The following TMEM87B variants were observed in gnomAD, a reference collection of about 807,000 sequenced individuals.
The protein encoded by TMEM87B is transmembrane protein 87B.
Under a neutral mutation model 80.3 loss-of-function variants are expected in TMEM87B, and 83 were observed. The observed-to-expected ratio is 1.03, with a 90% CI of 0.87 to 1.24. TMEM87B has a LOEUF of 1.24. TMEM87B is among the 50% of genes most tolerant of loss of function. TMEM87B has a pLI of 0.00. For synonymous variants in TMEM87B, 219 were observed against 230.5 expected, an observed-to-expected ratio of 0.95 and a Z score of 0.45; for missense variants, 625 against 674.4, an observed-to-expected ratio of 0.93 and a Z score of 0.81.
intron 2 of TMEM87B, among the ~76,000 whole-genome samples, chr2:112,061,668 A>G (rs186814337): frequency 6.6e-6 from 1 of 152,358 alleles, no homozygotes. Flanking sequence ...AAAAAAAAGT[A>G]ACGTCAGCCA....
chr2:112,104,385 T>C (rs115853487), intron 15 of TMEM87B, among the ~76,000 whole-genome samples: 5,895 of 152,136 alleles, frequency 0.039, 220 homozygotes, highest in Non-Finnish European at 0.056. Flanking sequence ...AATGATAACC[T>C]ATGTTGCAAA....
intron 3 of TMEM87B, 127 bp from the exon 4 acceptor site, chr2:112,066,809 C>T: frequency 1.2e-6 from 1 of 806,624 alleles, no homozygotes. Flanking sequence ...GTATTTTATT[C>T]TATTGCGTAT....
intron 15 of TMEM87B, among the ~76,000 whole-genome samples, chr2:112,101,774 A>G (rs1679638375): frequency 6.6e-6 from 1 of 152,200 alleles, no homozygotes; most frequent in Non-Finnish European, 1.5e-5. Context: ...GTAGTACAGT[A>G]AGACAAACTT....
chr2:112,059,380 T>G (rs1317449788), intron 1 of TMEM87B, among the ~76,000 whole-genome samples: 1 of 151,380 alleles, frequency 6.6e-6, no homozygotes, highest in Non-Finnish European at 1.5e-5. Flanking sequence ...GAGCTGGGCT[T>G]TGAAGGGTGA....
rs1005551109 is a variant in TMEM87B, at chr2:112,105,116, C to T, written c.1451-886C>T. On this transcript the variant is annotated intron_variant, in intron 15 of 18. Transcript: ENST00000283206. The stretch of plus-strand genomic sequence containing the variant: ...TTGTCAGGTTTCTTCAGACTGTACA[C>T]TTAAAATTTGTAATATATATATATA... Among the ~76,000 whole-genome samples, 7 of 152,156 alleles carry T rather than the reference C, an allele frequency of 4.6e-5. 1 individual carries two copies. The South Asian group carries it at 6.2e-4, about 14-fold the overall frequency.
At chr2:112,070,301 G>A (rs550857104) in intron 4 of TMEM87B, among the ~76,000 whole-genome samples, 1 of 152,266 alleles carries the variant, frequency 6.6e-6, no homozygotes, top group East Asian at 1.9e-4. Flanking sequence ...GGTTTTCATA[G>A]TTTTAAGTTT....
Position 112,107,850 on chromosome 2 carries a change from C to G in TMEM87B, c.1577+10C>G. The G allele has an allele frequency of 6.4e-7, 1 of 1,565,270 alleles. No individual in the cohort carries two copies. The highest frequency in any genetic ancestry group is 8.8e-7 in the Non-Finnish European group (1 of 1,142,116). On this transcript the variant is annotated intron_variant, in intron 17 of 18. Coordinates refer to ENST00000283206, the MANE Select transcript of TMEM87B (RefSeq NM_032824.3). ...CTTCATTCACAGATGTGTAAGTTAT[C>G]TTCTGTTACAGTTTGATTGTAAATT...
chr2:112,082,627 G>T (rs1266014703), intron 8 of TMEM87B, among the ~76,000 whole-genome samples: 1 of 151,982 alleles, frequency 6.6e-6, no homozygotes, highest in East Asian at 1.9e-4. Flanking sequence ...GCATATTAGA[G>T]ATATCACTAC....
chr2:112,100,454 TTAA>T (rs1679598513), intron 14 of TMEM87B, among the ~76,000 whole-genome samples, 165 bp from the exon 15 acceptor site: 2 of 152,214 alleles, frequency 1.3e-5, no homozygotes. Flanking sequence ...TCACAATTTC[TTAA>T]TGATAATTTT....
intron 16 of TMEM87B, among the ~76,000 whole-genome samples, chr2:112,106,975 C>T (rs1317749953): frequency 1.3e-5 from 2 of 152,168 alleles, no homozygotes; most frequent in African/African-American, 4.8e-5. Flanking sequence ...AGACAGATAG[C>T]TATCTCAGCT....
At chr2:112,090,415 G>GT (rs2104486193) in intron 10 of TMEM87B, among the ~76,000 whole-genome samples, 1 of 128,118 alleles carries the variant, frequency 7.8e-6, no homozygotes, top group East Asian at 2.1e-4. Flanking sequence ...TGGTTGGTTG[G>GT]TTGGTTGGTT....
At chr2:112,070,433 T>G (rs913062422) in intron 4 of TMEM87B, among the ~76,000 whole-genome samples, 1 of 152,126 alleles carries the variant, frequency 6.6e-6, no homozygotes, top group Non-Finnish European at 1.5e-5. Context: ...GAATAGGGAG[T>G]CTTTTCCCCA....
At chr2:112,059,777 C>A (rs367837328) in intron 1 of TMEM87B, among the ~76,000 whole-genome samples, 200 bp from the exon 2 acceptor site, 4 of 152,314 alleles carry the variant, frequency 2.6e-5, no homozygotes, top group East Asian at 3.9e-4. Flanking sequence ...GGCCAGAGCC[C>A]TCCTGATCCT....
At chr2:112,060,148 C>G in intron 2 of TMEM87B, 111 bp downstream of exon 2, 1 of 1,222,298 alleles carries the variant, frequency 8.2e-7, no homozygotes, top group Non-Finnish European at 1.1e-6. Flanking sequence ...GAGTTCAGGA[C>G]GAGCCTGGCC....
chr2:112,090,198 C>T (rs541574635), intron 10 of TMEM87B, among the ~76,000 whole-genome samples: 102 of 152,238 alleles, frequency 6.7e-4, no homozygotes, highest in Non-Finnish European at 1.1e-3. Context: ...CAGTAGACCC[C>T]ACCATTGGAA....
At chr2:112,094,076 T>C (rs1017296515) in intron 11 of TMEM87B, among the ~76,000 whole-genome samples, 6 of 152,220 alleles carry the variant, frequency 3.9e-5, no homozygotes, top group African/African-American at 1.4e-4. Context: ...CTTCATTCAA[T>C]TAATTAAGCT....
intron 1 of TMEM87B, 131 bp downstream of exon 1, chr2:112,055,887 G>C (rs1558823776): frequency 8.3e-7 from 1 of 1,209,540 alleles, no homozygotes; most frequent in Non-Finnish European, 1.1e-6. Context: ...TACCCTCCCT[G>C]AGCCTTTTGT....
At chr2:112,055,801 C>G in intron 1 of TMEM87B, 45 bp downstream of exon 1, 1 of 1,448,174 alleles carries the variant, frequency 6.9e-7, no homozygotes, top group Non-Finnish European at 9.1e-7. Flanking sequence ...CTCGGGCCGT[C>G]AGGGCCGTCG....
chr2:112,098,998 G>A (rs1679552083), intron 14 of TMEM87B, among the ~76,000 whole-genome samples: 1 of 151,120 alleles, frequency 6.6e-6, no homozygotes, highest in Non-Finnish European at 1.5e-5. Context: ...TTCTGGGGTG[G>A]TGGGAAAGGC....
Sources: allele counts gnomAD v4.1 joint callset (sites outside exome capture counted in the v4.1 genomes callset), GRCh38; gene constraint gnomAD v4.1.1; transcripts MANE v1.5; gene names NCBI Gene and HGNC (gene_info 2026-07-23, HGNC 2026-07-21).